ANKS1B: variants seen among roughly 807,000 people sequenced by gnomAD.
ANKS1B encodes ankyrin repeat and sterile alpha motif domain containing 1B, also known as ankyrin repeat and sterile alpha motif domain-containing protein 1B.
Under a neutral mutation model 148.3 loss-of-function variants are expected in ANKS1B, and 36 were observed. The ratio of observed to expected loss-of-function variants is 0.24; its 90% CI spans 0.19 to 0.32. The LOEUF is 0.32. ANKS1B is among the 10% of genes least tolerant of loss of function. The pLI, the probability that ANKS1B is intolerant of heterozygous loss-of-function variation, is 1.00. For synonymous variants in ANKS1B, 542 were observed against 560.8 expected, an observed-to-expected ratio of 0.97 and a Z score of 0.47; for missense variants, 1,157 against 1,542.6, an observed-to-expected ratio of 0.75 and a Z score of 4.19.
chr12:99,898,265 T>C (rs1037043636), intron 1 of ANKS1B, among the ~76,000 whole-genome samples: 4 of 152,132 alleles, frequency 2.6e-5, no homozygotes, highest in Admixed American at 2.6e-4. Context: ...CCCTCAATAT[T>C]ACTCAAAAGG....
At chr12:99,064,549 T>C (rs1013481877) in intron 16 of ANKS1B, among the ~76,000 whole-genome samples, 17 of 152,214 alleles carry the variant, frequency 1.1e-4, no homozygotes, top group African/African-American at 4.1e-4. Flanking sequence ...CCAAGTTCTA[T>C]AAAGCATCCT....
In ANKS1B at chr12:98,829,484, T is replaced by C; in HGVS notation, c.2887-131A>G. ...TTTGAAGCAACAGCCAAGGAATGAA[T>C]GACATTCCACCACTTTATTAATGGC... is the stretch of plus-strand genomic sequence containing the variant. On this transcript the variant is annotated intron_variant, in intron 18 of 26. Transcript: ENST00000683438. The surrounding 1 kb of genome is among the most constrained non-coding windows in gnomAD (Gnocchi z 5.2). 1.3e-6 allele frequency: 1 copy of C among 784,820 alleles called. No homozygotes were observed. The highest frequency in any genetic ancestry group is 2.0e-6 in the Non-Finnish European group (1 of 489,416). 48.6% of individuals were successfully genotyped at this position (784,820 alleles called of 1,614,324 possible).
At chr12:99,450,305 T>C (rs2152817585) in intron 10 of ANKS1B, among the ~76,000 whole-genome samples, 1 of 152,324 alleles carries the variant, frequency 6.6e-6, no homozygotes, top group East Asian at 1.9e-4. Flanking sequence ...TTACTCAGTC[T>C]GCCATTCAAA....
chr12:98,832,777 A>T (rs2099329339), intron 17 of ANKS1B, among the ~76,000 whole-genome samples: 1 of 152,002 alleles, frequency 6.6e-6, no homozygotes, highest in Non-Finnish European at 1.5e-5. Context: ...TCCTCATTTT[A>T]TCACACTCTA....
intron 19 of ANKS1B, among the ~76,000 whole-genome samples, chr12:98,813,476 G>A (rs1040287597): frequency 2.6e-5 from 4 of 151,280 alleles, no homozygotes; most frequent in South Asian, 2.1e-4. Context: ...TTCGGCCTCC[G>A]GAAGTGCTAG....
rs774613671 is a variant in ANKS1B, at chr12:99,741,206, A to AACACACACACACACACACAC, written c.1128+31696_1128+31715dup. Among the ~76,000 whole-genome samples the AACACACACACACACACACAC allele has an allele frequency of 4.4e-4, 60 of 135,402 alleles. 2 individuals are homozygous for AACACACACACACACACACAC. The highest frequency in any genetic ancestry group is 2.8e-4 in the Non-Finnish European group (18 of 63,816). The allele number at this position is 135,402 out of a possible 152,430, so 88.8% of individuals were successfully genotyped here. A position where few individuals can be genotyped will look rare whatever the true frequency, so the allele number is the denominator to read the frequency against. On this transcript the variant is annotated intron_variant, in intron 8 of 26. Transcript: ENST00000683438. ...CTGGCAACAGAGCTAGGCTCCGTCA[A>AACACACACACACACACACAC]ACACACACACACACACACACACACA...
chr12:99,751,141 C>T (rs2061067577), intron 8 of ANKS1B, among the ~76,000 whole-genome samples: 1 of 116,118 alleles, frequency 8.6e-6, no homozygotes, highest in South Asian at 3.7e-4. Context: ...TTTGCTTAAT[C>T]CCAGATTCTA....
At chr12:99,244,825 A>T (rs1376102345) in intron 13 of ANKS1B, among the ~76,000 whole-genome samples, 1 of 152,168 alleles carries the variant, frequency 6.6e-6, no homozygotes, top group East Asian at 1.9e-4. Context: ...AGCAGGTTTC[A>T]GGGTGTGGAG....
rs2094595424 is a variant in ANKS1B, at chr12:99,408,871, A to C, written c.1576-9060T>G. Among the ~76,000 whole-genome samples the C allele has an allele frequency of 1.4e-5, 2 of 145,976 alleles. 1 individual carries two copies. Among genetic ancestry groups the C allele is most frequent in the Non-Finnish European group, 3.0e-5 (2 of 66,050 alleles). On this transcript the variant is annotated intron_variant, in intron 11 of 26. Coordinates refer to ENST00000683438, the MANE Select transcript of ANKS1B (RefSeq NM_001352186.2). ...ACGACAAATGCTGGCAAGGATGTAG[A>C]GAAAATGAAACCCTTGTAAACTGCT...
intron 9 of ANKS1B, among the ~76,000 whole-genome samples, chr12:99,618,946 G>A (rs117027563): frequency 0.015 from 2,212 of 152,212 alleles, 22 homozygotes; most frequent in Non-Finnish European, 0.021. Flanking sequence ...GTCGGCACTG[G>A]AATTGTACTC....
At chr12:99,912,067 C>G (rs1211087799) in intron 1 of ANKS1B, among the ~76,000 whole-genome samples, 2 of 152,148 alleles carry the variant, frequency 1.3e-5, no homozygotes, top group African/African-American at 2.4e-5. Flanking sequence ...CAGCACCAGA[C>G]TGCAAGTGAT....
intron 9 of ANKS1B, among the ~76,000 whole-genome samples, chr12:99,561,395 T>C (rs575532364): frequency 6.6e-6 from 1 of 152,302 alleles, no homozygotes; most frequent in African/African-American, 2.4e-5. Context: ...TTCACAGGAT[T>C]GATGAGGCCT....
intron 14 of ANKS1B, among the ~76,000 whole-genome samples, chr12:99,176,955 A>G (rs1310174498): frequency 6.6e-6 from 1 of 152,190 alleles, no homozygotes; most frequent in African/African-American, 2.4e-5. Flanking sequence ...ATTGCAATGC[A>G]TGAACAGCCT....
At chr12:99,206,241 TA>T (rs1212255687) in intron 14 of ANKS1B, among the ~76,000 whole-genome samples, 4 of 152,134 alleles carry the variant, frequency 2.6e-5, no homozygotes, top group Non-Finnish European at 5.9e-5. Context: ...TCCTAATTTA[TA>T]AAAAAACTGA....
At chr12:99,427,874 C>A (rs2152738731) in intron 11 of ANKS1B, among the ~76,000 whole-genome samples, 1 of 152,210 alleles carries the variant, frequency 6.6e-6, no homozygotes, top group African/African-American at 2.4e-5. Context: ...GAAATGCATT[C>A]TAGACTGTAT....
At chr12:99,824,229 G>A (rs1313001616) in intron 2 of ANKS1B, among the ~76,000 whole-genome samples, 1 of 152,144 alleles carries the variant, frequency 6.6e-6, no homozygotes, top group Non-Finnish European at 1.5e-5. Context: ...TAAAGTGAGG[G>A]CCAGGCGTGG....
intron 12 of ANKS1B, among the ~76,000 whole-genome samples, chr12:99,304,435 T>C (rs2082088415): frequency 6.6e-6 from 1 of 152,158 alleles, no homozygotes; most frequent in South Asian, 2.1e-4. Flanking sequence ...TTGTGCACTC[T>C]TTGTGCAGTG....
intron 17 of ANKS1B, among the ~76,000 whole-genome samples, chr12:98,838,990 T>C (rs1199796720): frequency 6.6e-6 from 1 of 152,218 alleles, no homozygotes; most frequent in African/African-American, 2.4e-5. Context: ...CCTGCAATCT[T>C]AGAAATCCTC....
At chr12:99,126,798 G>A (rs906204738) in intron 15 of ANKS1B, among the ~76,000 whole-genome samples, 1 of 152,114 alleles carries the variant, frequency 6.6e-6, no homozygotes, top group Non-Finnish European at 1.5e-5. Flanking sequence ...AAACAAAGAA[G>A]TTACTCTACA....
Sources: gnomAD v4.1 joint callset for allele counts (sites outside exome capture counted in the v4.1 genomes callset) on GRCh38, gnomAD v4.1.1 for gene constraint, Gnocchi (gnomAD v3.1) non-coding constraint, MANE v1.5 for transcripts, NCBI Gene and HGNC (gene_info 2026-07-23, HGNC 2026-07-21) for gene names.